Variants in RRBP1 observed in about 807,000 individuals in gnomAD.
RRBP1 encodes ribosome-binding protein 1.
RRBP1 carries 94 observed loss-of-function variants against 165.2 expected under a neutral mutation model. The ratio of observed to expected loss-of-function variants is 0.57; its 90% CI spans 0.48 to 0.68. The LOEUF (loss-of-function observed/expected upper bound fraction) is 0.68, where lower values mean the gene tolerates loss of function less well. Ranked by LOEUF, RRBP1 falls within the 30% of genes least tolerant of loss-of-function variation. The pLI is 0.00. For synonymous variants in RRBP1, 680 were observed against 714.5 expected, an observed-to-expected ratio of 0.95 and a Z score of 0.77; for missense variants, 1,676 against 1,763.0, an observed-to-expected ratio of 0.95 and a Z score of 0.88.
At chr20:17,642,169 T>C (rs367606362) in intron 4 of RRBP1, among the ~76,000 whole-genome samples, 58 of 152,298 alleles carry the variant, frequency 3.8e-4, no homozygotes, top group African/African-American at 1.3e-3. Flanking sequence ...GGAGTGGCAT[T>C]TAGGAGTGTG....
chr20:17,627,585 C>A lies in RRBP1; in HGVS notation c.2847G>T (p.Glu949Asp). 6.2e-7 allele frequency: 1 copy of A among 1,613,614 alleles called. No homozygotes were observed. ...LHGQLQEARA[E>D]NSQLTERIRS... ...GGATTCTCTCTGTGAGCTGGGAGTT[C>A]TCCGCCCTGGCCTCCTGGAGCTGCC... The change falls in exon 10 of 25, where the codon GAG becomes GAT. Residue 949 changes from glutamate to aspartate, a missense_variant. Coordinates refer to ENST00000377813, the MANE Select transcript of RRBP1 (RefSeq NM_001365613.2).
Position 17,620,314 on chromosome 20 carries a change from A to C in RRBP1, c.3564T>G (p.Leu1188=). ...EEIVEKLKGE[L]ESSDQVREHT... is the part of the protein sequence containing the mutation. ...GAGCACATACCTGGTCCGAACTTTC[A>C]AGTTCTCCTTTTAGCTTCTCTACAA... The change falls in exon 18 of 25, where the codon CTT becomes CTG. Residue 1188 remains leucine, a synonymous_variant. Coordinates refer to ENST00000377813, the MANE Select transcript of RRBP1 (RefSeq NM_001365613.2). The C allele has an allele frequency of 6.2e-7, 1 of 1,613,660 alleles. No individual in the cohort carries two copies. Among genetic ancestry groups the C allele is most frequent in the Middle Eastern group, 1.6e-4 (1 of 6,062 alleles).
At chr20:17,615,387 G>C in intron 23 of RRBP1, 44 bp downstream of exon 23, 1 of 1,503,132 alleles carries the variant, frequency 6.7e-7, no homozygotes. Context: ...GCCAGCCCCA[G>C]AGCAGACCCT....
chr20:17,614,129 G>T lies in RRBP1; in HGVS notation c.*53C>A. ...GTTGGTTGGTTTATTTGTAAGGAAT[G>T]TGTAAGGCATTTTGGTAAGTTGAAC... On this transcript the variant is annotated 3_prime_UTR_variant, in exon 25 of 25. Transcript: ENST00000377813. 1 of 1,571,312 alleles carries T rather than the reference G, an allele frequency of 6.4e-7. No individual in the cohort carries two copies. The highest frequency in any genetic ancestry group is 8.8e-7 in the Non-Finnish European group (1 of 1,140,956).
chr20:17,621,629 G>C (rs1240451348), intron 15 of RRBP1, 61 bp downstream of exon 15: 5 of 1,588,978 alleles, frequency 3.1e-6, no homozygotes, highest in Non-Finnish European at 4.3e-6. Context: ...ACTTGGGGCA[G>C]CCCCTCTTCC....
In RRBP1 at chr20:17,617,756, G is replaced by A. The variant is rs148561659; in HGVS notation, c.3759+840C>T. On this transcript the variant is annotated intron_variant, in intron 20 of 24. Transcript: ENST00000377813. ...AAGGGGGACCGAGGGTGTTGGGAGCGTGTGCCGGACTCACTGGCTGCTGCA... is the reference window on the plus strand; with the variant it reads ...AAGGGGGACCGAGGGTGTTGGGAGCATGTGCCGGACTCACTGGCTGCTGCA... 3.3e-3 allele frequency among the ~76,000 whole-genome samples: 500 copies of A among 152,346 alleles called. 3 individuals are homozygous for A. The highest frequency in any genetic ancestry group is 5.7e-3 in the Non-Finnish European group (385 of 68,036).
chr20:17,656,199 A>G (rs1330213867), intron 3 of RRBP1, among the ~76,000 whole-genome samples: 2 of 152,184 alleles, frequency 1.3e-5, no homozygotes, highest in Non-Finnish European at 2.9e-5. Flanking sequence ...AACTTTCCCC[A>G]TGTTTTCTAG....
chr20:17,641,972 TCCCCTGA>T lies in RRBP1; in HGVS notation c.2062-60_2062-54del, dbSNP rs1600751240. The T allele has an allele frequency of 8.2e-6, 13 of 1,579,230 alleles. No individual in the cohort carries two copies. In the East Asian group the frequency reaches 2.9e-4, roughly 36 times the overall value. ...GAGGGGACAAATGGGACTTGGCTCA[TCCCCTGA>T]CCCCGGACAAGAGCAGAGGCCTGAG... is the stretch of plus-strand genomic sequence containing the variant. On this transcript the variant is annotated intron_variant, in intron 4 of 24. Coordinates refer to ENST00000377813, the MANE Select transcript of RRBP1 (RefSeq NM_001365613.2).
intron 24 of RRBP1, 132 bp downstream of exon 24, chr20:17,614,602 GCCT>G: frequency 4.4e-6 from 5 of 1,133,408 alleles, no homozygotes; most frequent in Non-Finnish European, 5.0e-6. Context: ...GCCCAGCTCT[GCCT>G]CCCCTGGGGC....
Position 17,620,337 on chromosome 20 carries a change from C to A in RRBP1, c.3541G>T (p.Val1181Leu). ...RVTVKHLEEI[V>L]EKLKGELESS... ...TCAAGTTCTCCTTTTAGCTTCTCTA[C>A]AATCTCTTCGAGATGCTTCACTGTG... is the stretch of plus-strand genomic sequence containing the variant. The change falls in exon 18 of 25, where the codon GTA (valine) becomes TTA (leucine). Residue 1181 changes from valine (V) to leucine (L), a missense_variant. Transcript: ENST00000377813. 6.2e-7 allele frequency: 1 copy of A among 1,613,944 alleles called. No homozygotes were observed.
chr20:17,650,660 A>T (rs1434938588), intron 3 of RRBP1, among the ~76,000 whole-genome samples: 1 of 152,206 alleles, frequency 6.6e-6, no homozygotes, highest in African/African-American at 2.4e-5. Context: ...CTCCAGTTAA[A>T]AGTACACTGT....
chr20:17,639,808 G>T (rs1458717209), intron 5 of RRBP1, among the ~76,000 whole-genome samples: 1 of 151,248 alleles, frequency 6.6e-6, no homozygotes, highest in African/African-American at 2.4e-5. Context: ...CAGGAGAATC[G>T]CTTGAACCCG....
chr20:17,620,924 T>A (rs1199317773), intron 16 of RRBP1, 117 bp from the exon 17 acceptor site: 2 of 730,880 alleles, frequency 2.7e-6, no homozygotes, highest in Non-Finnish European at 2.3e-6. Flanking sequence ...GCTGACTTCA[T>A]GAGCGCCAGC....
At chr20:17,630,049 A>C in intron 8 of RRBP1, 88 bp from the exon 9 acceptor site, 2 of 1,421,248 alleles carry the variant, frequency 1.4e-6, no homozygotes, top group Non-Finnish European at 9.5e-7. Flanking sequence ...AGAGCTCTTT[A>C]CCCCACCAAA....
intron 6 of RRBP1, among the ~76,000 whole-genome samples, chr20:17,636,164 T>C (rs1308196446): frequency 6.6e-6 from 1 of 152,194 alleles, no homozygotes; most frequent in Admixed American, 6.5e-5. Flanking sequence ...TGCTGGCCGC[T>C]GGAGCTGTGT....
At chr20:17,681,902 G>A (rs2037199581) in intron 1 of RRBP1, 126 bp downstream of exon 1, 1 of 147,634 alleles carries the variant, frequency 6.8e-6, no homozygotes, top group South Asian at 2.0e-4. Context: ...CAGGCGGCGG[G>A]CGGCGGGCGG....
At chr20:17,665,770 G>C (rs1173231409) in intron 2 of RRBP1, among the ~76,000 whole-genome samples, 2 of 152,186 alleles carry the variant, frequency 1.3e-5, no homozygotes, top group Non-Finnish European at 2.9e-5. Flanking sequence ...GCTTCCTGGA[G>C]ATAACCATTG....
At chr20:17,656,161 A>C (rs2036641851) in intron 3 of RRBP1, among the ~76,000 whole-genome samples, 1 of 152,240 alleles carries the variant, frequency 6.6e-6, no homozygotes, top group Non-Finnish European at 1.5e-5. Context: ...TGCTAATTCA[A>C]GAAACGAAAA....
intron 5 of RRBP1, among the ~76,000 whole-genome samples, chr20:17,639,059 G>A (rs966211386): frequency 7.9e-5 from 12 of 152,230 alleles, no homozygotes; most frequent in East Asian, 3.9e-4. Context: ...AGCCCAGGAC[G>A]GGGCCAGTCC....
Sources: allele counts gnomAD v4.1 joint callset (sites outside exome capture counted in the v4.1 genomes callset), GRCh38; gene constraint gnomAD v4.1.1; transcripts MANE v1.5; gene names NCBI Gene and HGNC (gene_info 2026-07-23, HGNC 2026-07-21).